PLD5: variants seen among roughly 807,000 people sequenced by gnomAD.
PLD5 encodes phospholipase D family member 5.
PLD5 carries 36 observed loss-of-function variants against 61.1 expected under a neutral mutation model. The ratio of observed to expected loss-of-function variants is 0.59; its 90% CI spans 0.45 to 0.78. The LOEUF (loss-of-function observed/expected upper bound fraction) is 0.78. Ranked by LOEUF, PLD5 falls within the 30% of genes least tolerant of loss-of-function variation. The pLI is 0.00. For synonymous variants in PLD5, 243 were observed against 242.8 expected, an observed-to-expected ratio of 1.00 and a Z score of -0.01; for missense variants, 515 against 644.4, an observed-to-expected ratio of 0.80 and a Z score of 2.17.
At chr1:242,090,450 A>C (rs540952012) in intron 9 of PLD5, among the ~76,000 whole-genome samples, 3 of 152,336 alleles carry the variant, frequency 2.0e-5, no homozygotes, top group Non-Finnish European at 2.9e-5. Flanking sequence ...TCATTTAAAA[A>C]TCCTGTGAGT....
At chr1:242,464,110 C>A (rs1010630772) in intron 1 of PLD5, among the ~76,000 whole-genome samples, 4 of 152,202 alleles carry the variant, frequency 2.6e-5, no homozygotes, top group African/African-American at 7.2e-5. Flanking sequence ...ATTCCTCCTC[C>A]TTGACACAAT....
chr1:242,458,366 C>T (rs1435335973), intron 1 of PLD5, among the ~76,000 whole-genome samples: 3 of 152,242 alleles, frequency 2.0e-5, no homozygotes, highest in Non-Finnish European at 4.4e-5. Flanking sequence ...AGATTGCCAA[C>T]ATTTTCTCTA....
intron 2 of PLD5, among the ~76,000 whole-genome samples, chr1:242,324,798 C>T (rs1417975732): frequency 6.6e-6 from 1 of 152,146 alleles, no homozygotes; most frequent in Non-Finnish European, 1.5e-5. Flanking sequence ...CCAGCTGGCC[C>T]CACCCAGACC....
intron 1 of PLD5, among the ~76,000 whole-genome samples, chr1:242,478,027 G>T (rs1461328707): frequency 6.6e-6 from 1 of 152,174 alleles, no homozygotes; most frequent in African/African-American, 2.4e-5. Flanking sequence ...TGAAGTACAG[G>T]AACACTGACA....
intron 5 of PLD5, among the ~76,000 whole-genome samples, chr1:242,126,976 TA>T (rs1334052524): frequency 6.7e-6 from 1 of 149,780 alleles, no homozygotes; most frequent in Non-Finnish European, 1.5e-5. Flanking sequence ...AACAACCCCA[TA>T]AAAAAGTAGG....
At chr1:242,112,137 G>A (rs538696224) in intron 7 of PLD5, among the ~76,000 whole-genome samples, 27 of 152,002 alleles carry the variant, frequency 1.8e-4, no homozygotes, top group Non-Finnish European at 2.9e-4. Flanking sequence ...CCCCTATTAC[G>A]TTTTGAAACG....
chr1:242,085,787 A>G lies in PLD5; in HGVS notation c.*4067T>C, dbSNP rs1230628030. The G allele has an allele frequency of 5.3e-5, 8 of 152,192 alleles. No individual in the cohort carries two copies. The highest frequency in any genetic ancestry group is 1.2e-4 in the African/African-American group (5 of 41,454). 9.4% of individuals were successfully genotyped at this position (152,192 alleles called of 1,614,324 possible). ...ATTATAGGAAGTGGCTGTTCTATGC[A>G]AGTAATGGCAGCGTTTTACATTCCT... On this transcript the variant is annotated 3_prime_UTR_variant, in exon 10 of 10. Coordinates refer to ENST00000536534, the MANE Select transcript of PLD5 (RefSeq NM_001372062.1).
At chr1:242,445,748 G>C (rs546879811) in intron 1 of PLD5, among the ~76,000 whole-genome samples, 2 of 139,432 alleles carry the variant, frequency 1.4e-5, no homozygotes, top group Admixed American at 7.4e-5. Flanking sequence ...CAGTGAGGGG[G>C]TTTTATTCAC....
intron 2 of PLD5, among the ~76,000 whole-genome samples, chr1:242,299,404 A>G (rs1284362071): frequency 3.3e-5 from 5 of 152,252 alleles, no homozygotes. Flanking sequence ...TTATACTCCT[A>G]TTACTTCCAA....
At chr1:242,391,928 A>C (rs1662957615) in intron 1 of PLD5, among the ~76,000 whole-genome samples, 1 of 152,234 alleles carries the variant, frequency 6.6e-6, no homozygotes, top group Non-Finnish European at 1.5e-5. Flanking sequence ...AAAGAAAAGT[A>C]AATTGTTCTG....
intron 4 of PLD5, among the ~76,000 whole-genome samples, chr1:242,240,497 T>A (rs541335587): frequency 6.6e-6 from 1 of 152,184 alleles, no homozygotes; most frequent in African/African-American, 2.4e-5. Context: ...TGATGCTTTA[T>A]TAGTAATTTT....
chr1:242,359,628 A>G (rs1487301427), intron 1 of PLD5, among the ~76,000 whole-genome samples: 1 of 152,198 alleles, frequency 6.6e-6, no homozygotes, highest in Non-Finnish European at 1.5e-5. Flanking sequence ...CTCAGGCTGC[A>G]AAATAAGGTT....
At chr1:242,445,767 T>TA (rs937777294) in intron 1 of PLD5, among the ~76,000 whole-genome samples, 1 of 151,540 alleles carries the variant, frequency 6.6e-6, no homozygotes, top group Non-Finnish European at 1.5e-5. Flanking sequence ...ACTTCTTTTT[T>TA]TTTTTTTTTT....
chr1:242,292,344 AT>A (rs561482110), intron 2 of PLD5, among the ~76,000 whole-genome samples: 92 of 152,332 alleles, frequency 6.0e-4, no homozygotes, highest in African/African-American at 2.1e-3. Context: ...GCTAGTTTTA[AT>A]TTTGCTTTGA....
At chr1:242,292,771 C>T (rs1278888955) in intron 2 of PLD5, among the ~76,000 whole-genome samples, 1 of 152,220 alleles carries the variant, frequency 6.6e-6, no homozygotes, top group East Asian at 1.9e-4. Context: ...ATTTCCAAGT[C>T]CTTCTCACTA....
intron 5 of PLD5, among the ~76,000 whole-genome samples, chr1:242,187,835 T>C (rs1668002831): frequency 6.6e-6 from 1 of 152,132 alleles, no homozygotes; most frequent in African/African-American, 2.4e-5. Flanking sequence ...GAAATATGAA[T>C]CTTGCCCAGA....
At chr1:242,305,951 G>A (rs1676324219) in intron 2 of PLD5, among the ~76,000 whole-genome samples, 1 of 152,168 alleles carries the variant, frequency 6.6e-6, no homozygotes, top group African/African-American at 2.4e-5. Context: ...CCTCACAACT[G>A]GAAAGGGGGG....
At position 242,265,453 on chromosome 1, in the gene PLD5, A is replaced by G; in HGVS notation, c.496-5T>C. 1 of 1,597,164 alleles carries G rather than the reference A, an allele frequency of 6.3e-7. No individual in the cohort carries two copies. The highest frequency in any genetic ancestry group is 8.5e-7 in the Non-Finnish European group (1 of 1,171,362). ...CTTTTCAAAAAGACGTTGACCCTGGAAAAAATATTCAGAGACAAAGAAAGT... is the reference window on the plus strand; with the variant it reads ...CTTTTCAAAAAGACGTTGACCCTGGGAAAAATATTCAGAGACAAAGAAAGT... On this transcript the variant is annotated splice_region_variant and splice_polypyrimidine_tract_variant and intron_variant, in intron 3 of 9. Coordinates refer to ENST00000536534, the MANE Select transcript of PLD5 (RefSeq NM_001372062.1).
At chr1:242,391,078 C>T (rs1012489118) in intron 1 of PLD5, among the ~76,000 whole-genome samples, 15 of 152,104 alleles carry the variant, frequency 9.9e-5, no homozygotes, top group African/African-American at 2.4e-5. Context: ...ATCTGCAGTC[C>T]TAGCTACTCG....
Sources: allele counts gnomAD v4.1 joint callset (sites outside exome capture counted in the v4.1 genomes callset), GRCh38; gene constraint gnomAD v4.1.1; transcripts MANE v1.5; gene names NCBI Gene and HGNC (gene_info 2026-07-23, HGNC 2026-07-21).